The following SGK1 variants were observed in gnomAD, a reference collection of about 807,000 sequenced individuals.
SGK1 encodes the protein serum/glucocorticoid regulated kinase 1.
In SGK1, 26 loss-of-function variants were observed where a neutral mutation model predicts 64.2. The observed-to-expected ratio is 0.40, with a 90% CI of 0.30 to 0.56. The LOEUF is 0.56. Ranked by LOEUF, SGK1 falls within the 20% of genes least tolerant of loss-of-function variation. The pLI is 0.38. For synonymous variants in SGK1, 265 were observed against 239.7 expected (o/e 1.11, Z -0.98); for missense variants, 519 against 645.6 (o/e 0.80, Z 2.12).
chr6:134,306,973 G>A (rs1777545036), intron 1 of SGK1, among the ~76,000 whole-genome samples: 1 of 150,512 alleles, frequency 6.6e-6, no homozygotes, highest in South Asian at 2.1e-4. Flanking sequence ...TTATTTCAAA[G>A]GATATTAACT....
intron 3 of SGK1, 115 bp downstream of exon 3, chr6:134,207,241 C>T (rs547167618): frequency 5.4e-4 from 397 of 728,566 alleles, no homozygotes; most frequent in Middle Eastern, 2.9e-3. Flanking sequence ...AAACAAAAAA[C>T]AAAAAACAAA....
chr6:134,316,251 G>A (rs1777682878), intron 1 of SGK1, among the ~76,000 whole-genome samples: 1 of 152,204 alleles, frequency 6.6e-6, no homozygotes. Context: ...TTTGGTGCAG[G>A]GAGATAGTCC....
chr6:134,214,097 T>TTC (rs1775938121), intron 2 of SGK1, among the ~76,000 whole-genome samples: 1 of 152,010 alleles, frequency 6.6e-6, no homozygotes, highest in Non-Finnish European at 1.5e-5. Flanking sequence ...AAAATTTTTT[T>TTC]TTTTGTAGAG....
chr6:134,173,278 T>C lies in SGK1; in HGVS notation c.698A>G (p.Lys233Arg), dbSNP rs763656632. 1.2e-6 allele frequency: 2 copies of C among 1,613,300 alleles called. No individual in the cohort carries two copies. Among genetic ancestry groups the C allele is most frequent in the South Asian group, 2.2e-5 (2 of 91,072 alleles). Reference protein sequence around the residue: ...VLQKKAILKKKEEKHIMSERN... With the variant: ...VLQKKAILKKREEKHIMSERN... ...CCCATCAAGCACATCTCATACCTCT[T>C]TCTTTTTCAGGATTGCTTTCTTCTG... is the stretch of plus-strand genomic sequence containing the variant. Residue 233 changes from lysine (K) to arginine (R), a missense_variant, in exon 7 of 14, where the codon AAA becomes AGA. This residue lies in a region of SGK1 where 278 missense variants were observed against 408.7 expected (regional missense o/e 0.68). Coordinates refer to ENST00000367858, the MANE Select transcript of SGK1 (RefSeq NM_001143676.3).
intron 1 of SGK1, chr6:134,298,695 A>C: frequency 9.5e-7 from 1 of 1,050,786 alleles, no homozygotes; most frequent in Non-Finnish European, 1.4e-6. Context: ...CCTGATGGAC[A>C]TGGTGGAGGC....
chr6:134,224,849 C>T (rs2114705908), intron 2 of SGK1, among the ~76,000 whole-genome samples: 1 of 148,664 alleles, frequency 6.7e-6, no homozygotes, highest in South Asian at 2.2e-4. Context: ...GGTGAAACCC[C>T]ATCTCTATAA....
intron 3 of SGK1, among the ~76,000 whole-genome samples, chr6:134,176,492 C>T (rs1287783668): frequency 1.3e-5 from 2 of 152,224 alleles, no homozygotes; most frequent in Non-Finnish European, 2.9e-5. Flanking sequence ...GCCTGACCGC[C>T]GGCGCGGGGA....
In SGK1 at chr6:134,291,469, T is replaced by G. The variant is rs549746142; in HGVS notation, c.69+25923A>C. Among the ~76,000 whole-genome samples, 6 of 152,324 alleles carry G rather than the reference T, an allele frequency of 3.9e-5. No homozygotes were observed. The South Asian group carries it at 1.2e-3, about 32-fold the overall frequency. ...AATATCCCACACAGCCCAGTTTCAGTCTTCAGTTGGCATGATAATAAAGCC... is the reference window on the plus strand; with the variant it reads ...AATATCCCACACAGCCCAGTTTCAGGCTTCAGTTGGCATGATAATAAAGCC... On this transcript the variant is annotated intron_variant, in intron 1 of 13. Coordinates refer to ENST00000367858, the MANE Select transcript of SGK1 (RefSeq NM_001143676.3).
chr6:134,252,688 C>T (rs890470643), intron 2 of SGK1, among the ~76,000 whole-genome samples: 25 of 138,904 alleles, frequency 1.8e-4, no homozygotes, highest in Admixed American at 1.5e-3. Flanking sequence ...AGAAATAATT[C>T]ATCTAAGTTT....
At chr6:134,177,331 C>T (rs1315475742) in intron 3 of SGK1, among the ~76,000 whole-genome samples, 2 of 152,226 alleles carry the variant, frequency 1.3e-5, no homozygotes, top group Admixed American at 1.3e-4. Context: ...GTAACTGGCC[C>T]ATGTCTGCTT....
chr6:134,232,425 A>AAGAGAGAGAGAGAGAGAG (rs71003683), intron 2 of SGK1, among the ~76,000 whole-genome samples: 7 of 42,042 alleles, frequency 1.7e-4, no homozygotes, highest in Non-Finnish European at 2.4e-4. Context: ...GAAAGAAAGA[A>AAGAGAGAGAGAGAGAGAG]AGAAAGAAAG....
intron 2 of SGK1, chr6:134,260,941 A>G (rs1776758132): frequency 6.6e-6 from 1 of 152,190 alleles, no homozygotes; most frequent in South Asian, 2.1e-4. Context: ...TAAATATTGT[A>G]TTTTTATGTC....
At chr6:134,279,177 G>A (rs536694065) in intron 1 of SGK1, among the ~76,000 whole-genome samples, 13 of 152,226 alleles carry the variant, frequency 8.5e-5, no homozygotes, top group Admixed American at 5.9e-4. Flanking sequence ...CATGCATGTA[G>A]TCTCAGCACT....
chr6:134,173,274 CTCTT>C lies in SGK1; in HGVS notation c.698_701del (p.Lys233ArgfsTer13). ...CAGCCCCATCAAGCACATCTCATAC[CTCTT>C]TCTTTTTCAGGATTGCTTTCTTCTG... On this transcript the variant is annotated frameshift_variant and splice_region_variant, in exon 7 of 14. Coordinates refer to ENST00000367858, the MANE Select transcript of SGK1 (RefSeq NM_001143676.3). LOFTEE classifies it high-confidence loss of function. The C allele has an allele frequency of 3.1e-6, 5 of 1,612,680 alleles. No homozygotes were observed. The highest frequency in any genetic ancestry group is 1.3e-5 in the African/African-American group (1 of 75,018).
chr6:134,306,739 G>A (rs1047753893), intron 1 of SGK1, among the ~76,000 whole-genome samples: 3 of 151,844 alleles, frequency 2.0e-5, no homozygotes, highest in African/African-American at 7.3e-5. Context: ...TCCCCAGCTG[G>A]TCTCGAATCC....
intron 1 of SGK1, among the ~76,000 whole-genome samples, chr6:134,278,533 T>G (rs557354605): frequency 6.6e-6 from 1 of 152,332 alleles, no homozygotes; most frequent in African/African-American, 2.4e-5. Flanking sequence ...ACACTCAATT[T>G]CAGTTTTATA....
intron 3 of SGK1, among the ~76,000 whole-genome samples, chr6:134,206,515 C>G (rs1775788424): frequency 6.7e-6 from 1 of 148,596 alleles, no homozygotes. Context: ...ACAAAGGGAT[C>G]TAGTATATAC....
intron 2 of SGK1, among the ~76,000 whole-genome samples, chr6:134,258,559 G>T (rs559883858): frequency 9.2e-5 from 14 of 152,042 alleles, no homozygotes; most frequent in Admixed American, 7.2e-4. Flanking sequence ...ACAAAAATTC[G>T]CCAGGCGTGG....
At chr6:134,174,422 C>G in intron 4 of SGK1, 89 bp downstream of exon 4, 1 of 909,478 alleles carries the variant, frequency 1.1e-6, no homozygotes, top group East Asian at 2.5e-5. Flanking sequence ...AAGAAGTCTT[C>G]GCCTTCCCGA....
Sources: gnomAD v4.1 joint callset for allele counts (sites outside exome capture counted in the v4.1 genomes callset) on GRCh38, gnomAD v4.1.1 for gene constraint, gnomAD v4.1.1 regional missense constraint, MANE v1.5 for transcripts, NCBI Gene and HGNC (gene_info 2026-07-23, HGNC 2026-07-21) for gene names.